Variants in ARAP2 observed in about 807,000 individuals in gnomAD.
ARAP2 encodes the protein ArfGAP with RhoGAP domain, ankyrin repeat and PH domain 2.
ARAP2 carries 148 observed loss-of-function variants against 194.5 expected under a neutral mutation model. The ratio of observed to expected loss-of-function variants is 0.76; its 90% CI spans 0.67 to 0.87. ARAP2 has a LOEUF of 0.87. ARAP2 is among the 40% of genes least tolerant of loss of function. The pLI is 0.00. For missense variants in ARAP2, 2,128 were observed against 1,989.7 expected (o/e 1.07, Z -1.32); for synonymous variants, 695 against 683.5 (o/e 1.02, Z -0.26).
downstream of ARAP2, chr4:36,065,316 G>T (rs149215968): frequency 0.012 from 6,016 of 492,450 alleles, 71 homozygotes; most frequent in Middle Eastern, 0.024. Context: ...AGCTACAGCA[G>T]ATGTCCCAAA....
At chr4:36,107,834 C>T (rs1041412502) in intron 26 of ARAP2, 141 bp from the exon 27 acceptor site, 19 of 691,336 alleles carry the variant, frequency 2.7e-5, no homozygotes, top group South Asian at 1.4e-4. Flanking sequence ...TTATATTATA[C>T]AGTAATAGCA....
chr4:36,080,533 G>C (rs61797479), intron 30 of ARAP2, among the ~76,000 whole-genome samples: 69,809 of 151,994 alleles, frequency 0.46, 16,387 homozygotes, highest in East Asian at 0.61. Flanking sequence ...GCAAAATGAT[G>C]ACCAATATTT....
chr4:36,198,291 T>C (rs1743595347), intron 6 of ARAP2, among the ~76,000 whole-genome samples: 1 of 152,100 alleles, frequency 6.6e-6, no homozygotes, highest in South Asian at 2.1e-4. Context: ...CGGGGGCTTT[T>C]ATGGGCCTCA....
chr4:36,199,404 G>C (rs748819506), intron 6 of ARAP2, among the ~76,000 whole-genome samples: 5 of 152,172 alleles, frequency 3.3e-5, no homozygotes, highest in Non-Finnish European at 7.3e-5. Flanking sequence ...TGTTTCTTCT[G>C]CCTCAGCTGA....
intron 5 of ARAP2, among the ~76,000 whole-genome samples, chr4:36,035,078 A>G (rs1179183005): frequency 1.3e-5 from 2 of 152,090 alleles, no homozygotes; most frequent in Admixed American, 1.3e-4. Flanking sequence ...AGGTTTTGGT[A>G]TCAGGATGAC....
At chr4:36,237,842 A>G (rs1752729136) in intron 1 of ARAP2, among the ~76,000 whole-genome samples, 1 of 152,234 alleles carries the variant, frequency 6.6e-6, no homozygotes, top group African/African-American at 2.4e-5. Context: ...AAGCAAACTA[A>G]TATCAAGATA....
chr4:36,104,024 TAGAC>T (rs928730802), intron 27 of ARAP2, among the ~76,000 whole-genome samples: 106 of 152,056 alleles, frequency 7.0e-4, no homozygotes, highest in African/African-American at 2.4e-3. Context: ...AAGCCATAGA[TAGAC>T]AGACAGAAAT....
chr4:36,179,779 T>C (rs1426918755), intron 8 of ARAP2, among the ~76,000 whole-genome samples: 2 of 152,176 alleles, frequency 1.3e-5, no homozygotes, highest in East Asian at 1.9e-4. Context: ...TTGAAGTAAG[T>C]CTCCGTATTA....
At position 36,107,398 on chromosome 4, in the gene ARAP2, T is replaced by C. The variant is rs141929543; in HGVS notation, c.4285+167A>G. ...ACCACAGAGCAACACATTGGGAAAA[T>C]ATCTTCCTGTCCATATATTCTTCTT... On this transcript the variant is annotated intron_variant, in intron 27 of 32. Transcript: ENST00000303965. 3.0e-4 allele frequency among the ~76,000 whole-genome samples: 45 copies of C among 152,176 alleles called. No homozygotes were observed. In the East Asian group the frequency reaches 7.2e-3, roughly 24 times the overall value.
At chr4:36,171,244 A>G (rs1736551522) in intron 9 of ARAP2, among the ~76,000 whole-genome samples, 1 of 152,216 alleles carries the variant, frequency 6.6e-6, no homozygotes, top group Non-Finnish European at 1.5e-5. Flanking sequence ...AGCACTATTC[A>G]CAATAGCAAA....
At chr4:36,058,579 T>C (rs977920685) in intron 1 of ARAP2, among the ~76,000 whole-genome samples, 22 of 152,156 alleles carry the variant, frequency 1.4e-4, no homozygotes, top group African/African-American at 5.1e-4. Context: ...ACAGCCGAGT[T>C]TGTTTTTGTT....
chr4:36,006,898 A>G (rs1426917621), intron 10 of ARAP2: 1 of 152,148 alleles, frequency 6.6e-6, no homozygotes, highest in Non-Finnish European at 1.5e-5. Context: ...AAAGAGAGAA[A>G]GTACCCAGGT....
intron 8 of ARAP2, among the ~76,000 whole-genome samples, chr4:36,185,243 G>A (rs746968076): frequency 9.9e-5 from 15 of 152,094 alleles, no homozygotes; most frequent in Non-Finnish European, 1.9e-4. Context: ...TCTAGCTTTC[G>A]TTCAACATTA....
intron 26 of ARAP2, among the ~76,000 whole-genome samples, chr4:36,112,451 G>A (rs1720246485): frequency 6.6e-6 from 1 of 151,882 alleles, no homozygotes; most frequent in African/African-American, 2.4e-5. Context: ...TTATGTGGTG[G>A]AACAATGTAA....
intron 2 of ARAP2, among the ~76,000 whole-genome samples, chr4:36,215,115 A>G (rs1747629661): frequency 6.6e-6 from 1 of 152,190 alleles, no homozygotes; most frequent in Non-Finnish European, 1.5e-5. Flanking sequence ...TCTCTTTTCC[A>G]TCTAAAAAAT....
chr4:36,216,155 C>G (rs967219540), intron 2 of ARAP2, among the ~76,000 whole-genome samples: 1 of 151,540 alleles, frequency 6.6e-6, no homozygotes, highest in Non-Finnish European at 1.5e-5. Flanking sequence ...ATTTGGGAGG[C>G]TGAGGTGGGA....
intron 24 of ARAP2, among the ~76,000 whole-genome samples, chr4:36,119,324 A>G (rs61798146): frequency 6.6e-6 from 1 of 151,224 alleles, no homozygotes; most frequent in Non-Finnish European, 1.5e-5. Flanking sequence ...TTTTCAACTT[A>G]CTCTAAGTAT....
intron 2 of ARAP2, among the ~76,000 whole-genome samples, chr4:36,226,165 AC>A (rs886418734): frequency 1.3e-5 from 2 of 152,090 alleles, no homozygotes; most frequent in African/African-American, 2.4e-5. Context: ...GAAAAAAAAA[AC>A]AGTGCTATGA....
In ARAP2 at chr4:36,066,348, A is replaced by C. The variant is rs1018331170; in HGVS notation, c.*1559T>G. On this transcript the variant is annotated 3_prime_UTR_variant, in exon 33 of 33. Coordinates refer to ENST00000303965, the MANE Select transcript of ARAP2 (RefSeq NM_015230.4). ...CCCTAATAGTGCCACCTATTTCATA[A>C]ACTGTCCTGCAGTTTTGTGCTTTTT... is the stretch of plus-strand genomic sequence containing the variant. The C allele has an allele frequency of 6.6e-6, 1 of 152,168 alleles. No individual in the cohort carries two copies. The highest frequency in any genetic ancestry group is 1.5e-5 in the Non-Finnish European group (1 of 68,032). The allele number at this position is 152,168 out of a possible 1,614,324, so 9.4% of individuals were successfully genotyped here.
Sources: gnomAD v4.1 joint callset for allele counts (sites outside exome capture counted in the v4.1 genomes callset) on GRCh38, gnomAD v4.1.1 for gene constraint, MANE v1.5 for transcripts, NCBI Gene and HGNC (gene_info 2026-07-23, HGNC 2026-07-21) for gene names.